MED12L: variants seen among roughly 807,000 people sequenced by gnomAD.
The protein encoded by MED12L is mediator complex subunit 12L.
Under a neutral mutation model 281.3 loss-of-function variants are expected in MED12L, and 60 were observed. That is an observed-to-expected ratio of 0.21 (90% CI 0.17 to 0.26). The LOEUF (loss-of-function observed/expected upper bound fraction) is 0.26, where lower values mean the gene tolerates loss of function less well. Among genes scored for constraint, MED12L ranks in the 10% least tolerant of loss-of-function variants. MED12L has a pLI of 1.00. For synonymous variants in MED12L, 974 were observed against 987.2 expected, an observed-to-expected ratio of 0.99 and a Z score of 0.25; for missense variants, 2,146 against 2,680.9, an observed-to-expected ratio of 0.80 and a Z score of 4.41.
chr3:151,294,174 CAT>C (rs1744724533), intron 16 of MED12L: 6 of 1,557,904 alleles, frequency 3.9e-6, no homozygotes, highest in African/African-American at 2.7e-5. Context: ...AAGGCCTACA[CAT>C]CAGTGTAATC....
At chr3:151,250,079 A>C (rs1421316632) in intron 16 of MED12L, among the ~76,000 whole-genome samples, 1 of 152,126 alleles carries the variant, frequency 6.6e-6, no homozygotes, top group Non-Finnish European at 1.5e-5. Flanking sequence ...CGGTACCTTT[A>C]TCTCCTTATC....
intron 11 of MED12L, among the ~76,000 whole-genome samples, chr3:151,183,509 G>T (rs1171339840): frequency 2.6e-5 from 4 of 152,228 alleles, no homozygotes; most frequent in Non-Finnish European, 5.9e-5. Flanking sequence ...TGTCGTGTGT[G>T]ATGAGTTTGT....
chr3:151,198,922 T>C, intron 16 of MED12L: 1 of 1,614,104 alleles, frequency 6.2e-7, no homozygotes, highest in Non-Finnish European at 8.5e-7. Flanking sequence ...CCTTGATGTC[T>C]TTGATGGGAA....
intron 16 of MED12L, among the ~76,000 whole-genome samples, chr3:151,247,843 G>A (rs1577112233): frequency 6.6e-6 from 1 of 151,600 alleles, no homozygotes; most frequent in African/African-American, 2.4e-5. Context: ...GTTGACAAGA[G>A]TCACAGTTTT....
chr3:151,238,047 A>G (rs1445016954), intron 16 of MED12L, among the ~76,000 whole-genome samples: 1 of 152,204 alleles, frequency 6.6e-6, no homozygotes, highest in Non-Finnish European at 1.5e-5. Flanking sequence ...AATTTTAAGG[A>G]TCAAATTATC....
rs144635516 is a variant in MED12L at position 151,294,605 on chromosome 3, A to G, written c.2251-55454A>G. 1.1e-4 allele frequency: 184 copies of G among 1,614,128 alleles called. 1 individual carries two copies. The highest frequency in any genetic ancestry group is 1.4e-4 in the Non-Finnish European group (170 of 1,179,998). On this transcript the variant is annotated intron_variant, in intron 16 of 44. Coordinates refer to ENST00000687756, the MANE Select transcript of MED12L (RefSeq NM_001393769.1). ...CAGAATCACCAGCACGGCCACAAAC[A>G]AGCAGCTGTTCACATAGGTGACTGC... is the stretch of plus-strand genomic sequence containing the variant.
At chr3:151,104,700 G>A (rs1721790030) in intron 2 of MED12L, among the ~76,000 whole-genome samples, 1 of 152,166 alleles carries the variant, frequency 6.6e-6, no homozygotes, top group Non-Finnish European at 1.5e-5. Context: ...TAAAGCAATG[G>A]ACATTTATTC....
chr3:151,118,488 C>T (rs1044793517), intron 3 of MED12L, among the ~76,000 whole-genome samples: 11 of 151,994 alleles, frequency 7.2e-5, no homozygotes, highest in African/African-American at 2.7e-4. Flanking sequence ...ACGTTACAAC[C>T]GCAATTATGT....
intron 16 of MED12L, among the ~76,000 whole-genome samples, chr3:151,236,365 C>T (rs1732801249): frequency 6.6e-6 from 1 of 152,162 alleles, no homozygotes; most frequent in Admixed American, 6.5e-5. Flanking sequence ...ATCTCTGGAT[C>T]ACAGAATTAG....
chr3:151,295,010 T>C lies in MED12L; in HGVS notation c.2251-55049T>C, dbSNP rs775838191. ...GTCTGCAACCACTATGTTTTTGAGA[T>C]AGAATATGAAGCTGGTTTTATTCCT... On this transcript the variant is annotated intron_variant, in intron 16 of 44. Coordinates refer to ENST00000687756, the MANE Select transcript of MED12L (RefSeq NM_001393769.1). 3.7e-6 allele frequency: 6 copies of C among 1,613,674 alleles called. No individual in the cohort carries two copies. The African/African-American group carries it at 8.0e-5, about 21-fold the overall frequency.
rs761980500 is a variant in MED12L, at chr3:151,409,267, C to T, written c.5845C>T (p.Leu1949Phe). The change falls in exon 40 of 45, where the codon CTC becomes TTC. Residue 1949 changes from leucine to phenylalanine, a missense_variant. This residue lies in a region of MED12L where 496 missense variants were observed against 512.0 expected (regional missense o/e 0.97). Transcript: ENST00000687756. ...QQGQPGDQAALFAAQARPSPQ... is the reference protein window; with the variant it reads ...QQGQPGDQAAFFAAQARPSPQ... ...GGGCCAGCCGGGGGACCAGGCTGCT[C>T]TCTTTGCTGCGCAAGCACGGCCCTC... 8 of 1,609,866 alleles carry T rather than the reference C, an allele frequency of 5.0e-6. No homozygotes were observed. The highest frequency in any genetic ancestry group is 4.0e-5 in the African/African-American group (3 of 74,600).
At chr3:151,206,795 C>G (rs949792242) in intron 16 of MED12L, among the ~76,000 whole-genome samples, 3 of 151,464 alleles carry the variant, frequency 2.0e-5, no homozygotes, top group Non-Finnish European at 2.9e-5. Context: ...CAGGCACCCA[C>G]CACCACGCCC....
At chr3:151,290,639 T>A (rs1435175549) in intron 16 of MED12L, among the ~76,000 whole-genome samples, 2 of 49,836 alleles carry the variant, frequency 4.0e-5, no homozygotes, top group African/African-American at 1.1e-4. Context: ...GCCTTGTTTT[T>A]TTTTTTTTTT....
At chr3:151,153,531 T>G (rs1427112682) in intron 5 of MED12L, among the ~76,000 whole-genome samples, 1 of 151,810 alleles carries the variant, frequency 6.6e-6, no homozygotes, top group Non-Finnish European at 1.5e-5. Context: ...TCATCTTCAG[T>G]ATAATCTGTA....
intron 16 of MED12L, chr3:151,336,476 AC>A: frequency 2.2e-6 from 1 of 455,940 alleles, no homozygotes; most frequent in South Asian, 1.6e-5. Context: ...ACAACAATAC[AC>A]CCTTTTATTT....
At chr3:151,349,968 T>G in intron 16 of MED12L, 91 bp from the exon 17 acceptor site, 1 of 1,183,334 alleles carries the variant, frequency 8.5e-7, no homozygotes, top group East Asian at 2.7e-5. Context: ...CAAGCCAGCA[T>G]GGAGGTGCTG....
intron 16 of MED12L, among the ~76,000 whole-genome samples, chr3:151,203,695 A>T (rs1455493680): frequency 6.6e-6 from 1 of 152,120 alleles, no homozygotes; most frequent in Non-Finnish European, 1.5e-5. Context: ...TTTTATGTTC[A>T]TTATAGAAAA....
intron 16 of MED12L, chr3:151,294,158 CAAT>C: frequency 6.8e-7 from 1 of 1,468,866 alleles, no homozygotes; most frequent in Non-Finnish European, 9.4e-7. Context: ...TTCCAACAAA[CAAT>C]AAAAGGCCTA....
intron 43 of MED12L, among the ~76,000 whole-genome samples, chr3:151,427,817 A>G (rs1719042044): frequency 6.6e-6 from 1 of 152,226 alleles, no homozygotes; most frequent in South Asian, 2.1e-4. Flanking sequence ...CAAGGTAACT[A>G]TAGTTAATAA....
Sources: allele counts gnomAD v4.1 joint callset (sites outside exome capture counted in the v4.1 genomes callset), GRCh38; gene constraint gnomAD v4.1.1; regional missense constraint gnomAD v4.1.1; transcripts MANE v1.5; gene names NCBI Gene and HGNC (gene_info 2026-07-23, HGNC 2026-07-21).